The following ENPP6 variants were observed in gnomAD, a reference collection of about 807,000 sequenced individuals.
ENPP6 encodes glycerophosphocholine cholinephosphodiesterase ENPP6.
A neutral mutation model predicts 42.0 loss-of-function variants in ENPP6; 32 were observed. The observed-to-expected ratio is 0.76, with a 90% CI of 0.58 to 1.02. The LOEUF (loss-of-function observed/expected upper bound fraction) is 1.02. ENPP6 is among the 50% of genes least tolerant of loss of function. ENPP6 has a pLI of 0.00. For missense variants in ENPP6, 552 were observed against 566.8 expected (o/e 0.97, Z 0.27); for synonymous variants, 213 against 216.0 (o/e 0.99, Z 0.12).
intron 1 of ENPP6, among the ~76,000 whole-genome samples, chr4:184,215,920 T>C (rs955754668): frequency 6.6e-6 from 1 of 152,170 alleles, no homozygotes; most frequent in Non-Finnish European, 1.5e-5. Flanking sequence ...AATTATTCCT[T>C]GTGCCAATAT....
intron 2 of ENPP6, among the ~76,000 whole-genome samples, chr4:184,143,533 C>T (rs548139959): frequency 2.6e-5 from 4 of 152,230 alleles, no homozygotes; most frequent in African/African-American, 4.8e-5. Context: ...AGACATGACA[C>T]GATCAGGCTC....
chr4:184,165,616 A>G (rs1258029481), intron 1 of ENPP6, among the ~76,000 whole-genome samples: 1 of 142,322 alleles, frequency 7.0e-6, no homozygotes, highest in Non-Finnish European at 1.5e-5. Flanking sequence ...ACTATTATGC[A>G]TCAAAGTTTA....
rs374296934 is a variant in ENPP6 at position 184,099,361 on chromosome 4, G to T, written c.994-1993C>A. 9.8e-5 allele frequency among the ~76,000 whole-genome samples: 15 copies of T among 152,344 alleles called. No homozygotes were observed. The South Asian group carries it at 3.1e-3, about 32-fold the overall frequency. ...GTTAAATTCCAGCTGCTACTTTCTA[G>T]CTCTGGGATCTTGGCTGTTTCACTT... is the stretch of plus-strand genomic sequence containing the variant. On this transcript the variant is annotated intron_variant, in intron 6 of 7. Coordinates refer to ENST00000296741, the MANE Select transcript of ENPP6 (RefSeq NM_153343.4).
chr4:184,097,028 C>T (rs1221576509), intron 7 of ENPP6, among the ~76,000 whole-genome samples: 1 of 152,194 alleles, frequency 6.6e-6, no homozygotes, highest in South Asian at 2.1e-4. Flanking sequence ...TTAAAATTTA[C>T]AAGGCAAAGT....
At chr4:184,148,164 C>T (rs1013876389) in intron 2 of ENPP6, among the ~76,000 whole-genome samples, 6 of 152,078 alleles carry the variant, frequency 3.9e-5, no homozygotes, top group African/African-American at 9.7e-5. Flanking sequence ...GGTAAGTTCT[C>T]GGGAGGGGGT....
rs200000730 is a variant in ENPP6, at chr4:184,112,739, T to C, written c.926A>G (p.Tyr309Cys). The change falls in exon 6 of 8, where the codon TAT (tyrosine) becomes TGT (cysteine). Residue 309 changes from tyrosine to cysteine, a missense_variant. Physicochemically the swap from Tyr to Cys is radical, Grantham distance 194. Around this residue, in one of 2 missense-constraint regions of ENPP6, gnomAD observed 545 missense variants for 546.3 expected, o/e 1.00. Coordinates refer to ENST00000296741, the MANE Select transcript of ENPP6 (RefSeq NM_153343.4). ...YEKEAIPSRF[Y>C]YKKGKFVSPL... is the part of the protein sequence containing the mutation. ...AGAGACAAACTTTCCTTTCTTGTAA[T>C]AGAACCTGCTTGGGATGGCTTCTTT... is the stretch of plus-strand genomic sequence containing the variant. 1.4e-5 allele frequency: 23 copies of C among 1,614,080 alleles called. No homozygotes were observed. Among genetic ancestry groups the C allele is most frequent in the African/African-American group, 2.7e-5 (2 of 74,928 alleles).
intron 6 of ENPP6, among the ~76,000 whole-genome samples, chr4:184,103,106 G>A (rs566674962): frequency 6.6e-6 from 1 of 152,386 alleles, no homozygotes; most frequent in South Asian, 2.1e-4. Context: ...ACTGCAGAAT[G>A]AGGCACAGGA....
chr4:184,112,774 A>T lies in ENPP6; in HGVS notation c.891T>A (p.Thr297=). 1 of 1,614,156 alleles carries T rather than the reference A, an allele frequency of 6.2e-7. No homozygotes were observed. Among genetic ancestry groups the T allele is most frequent in the Non-Finnish European group, 8.5e-7 (1 of 1,180,026 alleles). Residue 297 remains threonine (T), a synonymous_variant, in exon 6 of 8, where the codon ACT becomes ACA. Coordinates refer to ENST00000296741, the MANE Select transcript of ENPP6 (RefSeq NM_153343.4). The part of the protein sequence containing the change: ...YNKLSTVEHM[T]VYEKEAIPSR... ...TTGGGATGGCTTCTTTCTCGTAGACAGTCATGTGTTCCACTGTGCTCAGTT... is the reference window on the plus strand; with the variant it reads ...TTGGGATGGCTTCTTTCTCGTAGACTGTCATGTGTTCCACTGTGCTCAGTT...
intron 1 of ENPP6, among the ~76,000 whole-genome samples, chr4:184,155,573 C>T (rs1737144142): frequency 6.6e-6 from 1 of 152,226 alleles, no homozygotes; most frequent in East Asian, 1.9e-4. Context: ...CTGAATGAAT[C>T]ATCAGGAAAG....
intron 5 of ENPP6, among the ~76,000 whole-genome samples, chr4:184,115,977 A>C (rs925122649): frequency 2.6e-5 from 4 of 152,110 alleles, no homozygotes; most frequent in Non-Finnish European, 2.9e-5. Flanking sequence ...GCATCTTGGG[A>C]GGCCGAGGCA....
At position 184,131,201 on chromosome 4, in the gene ENPP6, C is replaced by CTT. The variant is rs376993212; in HGVS notation, c.422-6931_422-6930dup. 1.2e-3 allele frequency among the ~76,000 whole-genome samples: 88 copies of CTT among 70,674 alleles called. 7 individuals carry two copies. Among genetic ancestry groups the CTT allele is most frequent in the African/African-American group, 5.0e-3 (86 of 17,312 alleles). 46.4% of individuals were successfully genotyped at this position (70,674 alleles called of 152,430 possible). On this transcript the variant is annotated intron_variant, in intron 2 of 7. Coordinates refer to ENST00000296741, the MANE Select transcript of ENPP6 (RefSeq NM_153343.4). ...TCTTTCTTTCTTTCTTTCTTTCTTT[C>CTT]TTCTTTCTTTCTTTCTTTTTCTTTC...
chr4:184,210,652 C>A (rs1173497529), intron 1 of ENPP6, among the ~76,000 whole-genome samples: 1 of 139,176 alleles, frequency 7.2e-6, no homozygotes, highest in Non-Finnish European at 1.5e-5. Flanking sequence ...ACTTTAACAC[C>A]CCACTGTCAA....
intron 2 of ENPP6, among the ~76,000 whole-genome samples, chr4:184,129,984 C>T (rs1043208319): frequency 5.9e-5 from 9 of 152,130 alleles, no homozygotes; most frequent in Non-Finnish European, 1.2e-4. Context: ...TCTGTTTTGT[C>T]GAATATAAAG....
chr4:184,143,084 G>A (rs17075341), intron 2 of ENPP6, among the ~76,000 whole-genome samples: 3,917 of 152,242 alleles, frequency 0.026, 181 homozygotes, highest in African/African-American at 0.086. Flanking sequence ...TGCACCACAC[G>A]GTTTTCCTGA....
intron 6 of ENPP6, among the ~76,000 whole-genome samples, chr4:184,110,799 T>C (rs1353227093): frequency 6.6e-6 from 1 of 152,162 alleles, no homozygotes; most frequent in African/African-American, 2.4e-5. Flanking sequence ...GGATAGTAAA[T>C]CCTTTTTGTT....
rs774178792 is a variant in ENPP6 at position 184,153,701 on chromosome 4, T to C, written c.274A>G (p.Asn92Asp). 1.9e-6 allele frequency: 3 copies of C among 1,614,170 alleles called. No homozygotes were observed. In the Admixed American group the frequency reaches 5.0e-5, roughly 27 times the overall value. ...RHCEVHQMIG[N>D]YMWDPTTNKS... ...TTGGTGGTGGGGTCCCACATGTAGT[T>C]CCCGATCATCTGATGGACTTCACAA... The change falls in exon 2 of 8, where the codon AAC (asparagine) becomes GAC (aspartate). Residue 92 changes from asparagine (N) to aspartate (D), a missense_variant. Transcript: ENST00000296741.
At chr4:184,155,103 A>G (rs555243725) in intron 1 of ENPP6, among the ~76,000 whole-genome samples, 1 of 152,312 alleles carries the variant, frequency 6.6e-6, no homozygotes, top group African/African-American at 2.4e-5. Context: ...GGTTGCAGCC[A>G]CAACTTCAGA....
intron 7 of ENPP6, among the ~76,000 whole-genome samples, chr4:184,096,383 A>T (rs1735901975): frequency 6.6e-6 from 1 of 152,250 alleles, no homozygotes; most frequent in African/African-American, 2.4e-5. Flanking sequence ...GAATACAGGT[A>T]TCAGGGTAAG....
At chr4:184,125,860 T>A (rs1332699161) in intron 2 of ENPP6, among the ~76,000 whole-genome samples, 1 of 152,198 alleles carries the variant, frequency 6.6e-6, no homozygotes, top group Non-Finnish European at 1.5e-5. Flanking sequence ...GTCAGTGGAA[T>A]CTTGAATGAC....
Sources: allele counts gnomAD v4.1 joint callset (sites outside exome capture counted in the v4.1 genomes callset), GRCh38; gene constraint gnomAD v4.1.1; regional missense constraint gnomAD v4.1.1; transcripts MANE v1.5; gene names NCBI Gene and HGNC (gene_info 2026-07-23, HGNC 2026-07-21).